ENTPD1: variants seen among roughly 807,000 people sequenced by gnomAD.
ENTPD1 encodes ectonucleoside triphosphate diphosphohydrolase 1.
ENTPD1 carries 33 observed loss-of-function variants against 57.0 expected under a neutral mutation model. That is an observed-to-expected ratio of 0.58 (90% confidence interval 0.44 to 0.77). The LOEUF is 0.77. Among genes scored for constraint, ENTPD1 ranks in the 30% least tolerant of loss-of-function variants. The probability of loss-of-function intolerance (pLI) is 0.00; values close to 1 mark genes in which losing one functional copy is unlikely to be tolerated. For missense variants in ENTPD1, 501 were observed against 603.4 expected (o/e 0.83, Z 1.78); for synonymous variants, 202 against 218.8 (o/e 0.92, Z 0.68).
At chr10:95,699,480 C>T in the ENTPD1 span, among the ~76,000 whole-genome samples, 1 of 151,654 alleles carries the variant, frequency 6.6e-6, no homozygotes, top group Non-Finnish European at 1.5e-5. Context: ...TGGTAGTGCA[C>T]ACCTGTAGTT....
At chr10:95,702,374 T>C in the ENTPD1 span, among the ~76,000 whole-genome samples, 3 of 151,834 alleles carry the variant, frequency 2.0e-5, no homozygotes, top group East Asian at 5.8e-4. Flanking sequence ...CTTAGATTGG[T>C]TTAACAGTGG....
the ENTPD1 span, among the ~76,000 whole-genome samples, chr10:95,701,440 A>G: frequency 6.6e-6 from 1 of 152,242 alleles, no homozygotes; most frequent in South Asian, 2.1e-4. Context: ...AAAATATAAA[A>G]GCAAATAAGT....
intron 1 of ENTPD1, among the ~76,000 whole-genome samples, chr10:95,742,425 C>T (rs2098001336): frequency 1.3e-5 from 2 of 152,014 alleles, no homozygotes; most frequent in African/African-American, 4.8e-5. Context: ...CCTGTCCTCC[C>T]CCTAGAGTTG....
At chr10:95,760,294 A>C (rs1472035858) in intron 1 of ENTPD1, among the ~76,000 whole-genome samples, 6 of 152,226 alleles carry the variant, frequency 3.9e-5, no homozygotes, top group Non-Finnish European at 8.8e-5. Context: ...AGATGAGTAG[A>C]ATCTGGTGCC....
intron 1 of ENTPD1, among the ~76,000 whole-genome samples, chr10:95,821,025 G>A (rs1026397591): frequency 6.6e-6 from 1 of 152,200 alleles, no homozygotes; most frequent in Non-Finnish European, 1.5e-5. Context: ...TATTATGGTA[G>A]AAACATTGCT....
At chr10:95,715,381 C>G (rs1039966664) in intron 1 of ENTPD1, among the ~76,000 whole-genome samples, 3 of 152,102 alleles carry the variant, frequency 2.0e-5, no homozygotes, top group African/African-American at 7.2e-5. Flanking sequence ...TATAGCCATT[C>G]CAGCTCTTTC....
Position 95,734,699 on chromosome 10 carries a change from C to G in ENTPD1, c.37+22706C>G, listed in dbSNP as rs568377930. Among the ~76,000 whole-genome samples the G allele has an allele frequency of 2.0e-5, 3 of 152,338 alleles. No individual in the cohort carries two copies. The South Asian group carries it at 6.2e-4, about 32-fold the overall frequency. ...GTCAAGTATGAAGAAAATACTTAGT[C>G]TGTTAATTCCTTCTTTTATGGTAGT... On this transcript the variant is annotated intron_variant, in intron 1 of 9. Coordinates refer to the ENTPD1 transcript ENST00000453258.
intron 1 of ENTPD1, among the ~76,000 whole-genome samples, chr10:95,721,815 T>G (rs2097977810): frequency 6.6e-6 from 1 of 152,144 alleles, no homozygotes; most frequent in African/African-American, 2.4e-5. Context: ...CCTCTGCTTA[T>G]CGGGTTAGTT....
chr10:95,726,106 A>C (rs543579901), intron 1 of ENTPD1, among the ~76,000 whole-genome samples: 4 of 152,274 alleles, frequency 2.6e-5, no homozygotes, highest in African/African-American at 9.6e-5. Context: ...AAAGTTTTGG[A>C]GACTTTTCAT....
At position 95,872,880 on chromosome 10, in the gene ENTPD1, T is replaced by G. The variant is rs953202143; in HGVS notation, c.*6497T>G. The G allele has an allele frequency of 7.1e-6, 7 of 985,328 alleles. No homozygotes were observed. Among genetic ancestry groups the G allele is most frequent in the Non-Finnish European group, 8.4e-6 (7 of 829,944 alleles). 61.0% of individuals were successfully genotyped at this position (985,328 alleles called of 1,614,324 possible). A position where few individuals can be genotyped will look rare whatever the true frequency, so the allele number is the denominator to read the frequency against. ...TGAAGCTTTTATTCCCCTAGCCACATGGAACTTTTCCTTTTTGGAACATGC... is the reference window on the plus strand; with the variant it reads ...TGAAGCTTTTATTCCCCTAGCCACAGGGAACTTTTCCTTTTTGGAACATGC... On this transcript the variant is annotated 3_prime_UTR_variant, in exon 10 of 10. Transcript: ENST00000371205.
intron 1 of ENTPD1, among the ~76,000 whole-genome samples, chr10:95,802,733 T>G (rs771965426): frequency 3.3e-5 from 5 of 152,190 alleles, no homozygotes; most frequent in Non-Finnish European, 7.3e-5. Flanking sequence ...TTGTGATAGT[T>G]TGCTGAGGAT....
chr10:95,839,410 TA>T (rs2098417970), intron 2 of ENTPD1: 1 of 435,304 alleles, frequency 2.3e-6, no homozygotes, highest in Non-Finnish European at 4.3e-6. Flanking sequence ...GGCTGCACAT[TA>T]GAATCACCTA....
Position 95,869,031 on chromosome 10 carries a change from T to C in ENTPD1, c.*2648T>C, listed in dbSNP as rs1590226013. ...GCCACTCTGGGTGGGGTAGGTGAAATAAGATTGGTCACTGTTAACTAATTT... is the reference window on the plus strand; with the variant it reads ...GCCACTCTGGGTGGGGTAGGTGAAACAAGATTGGTCACTGTTAACTAATTT... On this transcript the variant is annotated 3_prime_UTR_variant, in exon 10 of 10. Transcript: ENST00000371205. The C allele has an allele frequency of 2.0e-6, 2 of 985,146 alleles. No individual in the cohort carries two copies. The highest frequency in any genetic ancestry group is 2.4e-6 in the Non-Finnish European group (2 of 829,926). The allele number at this position is 985,146 out of a possible 1,614,324, so 61.0% of individuals were successfully genotyped here.
At chr10:95,858,062 G>T (rs925161078) in intron 7 of ENTPD1, among the ~76,000 whole-genome samples, 8 of 151,874 alleles carry the variant, frequency 5.3e-5, no homozygotes, top group Non-Finnish European at 7.4e-5. Context: ...GGAGGCTGAG[G>T]CAGGAGAATG....
intron 1 of ENTPD1, among the ~76,000 whole-genome samples, chr10:95,778,513 T>C (rs2098143070): frequency 6.6e-6 from 1 of 152,176 alleles, no homozygotes; most frequent in Admixed American, 6.5e-5. Context: ...TTGTTGAAAA[T>C]GTGGGGAAAC....
In ENTPD1 at chr10:95,740,022, G is replaced by A. The variant is rs7078423; in HGVS notation, c.37+28029G>A. Among the ~76,000 whole-genome samples the A allele has an allele frequency of 3.3e-3, 504 of 152,316 alleles. 2 individuals carry two copies. Among genetic ancestry groups the A allele is most frequent in the African/African-American group, 0.011 (477 of 41,562 alleles). ...AAAGGAATATTTTTTCTGAGCAGCA[G>A]CCATCAACAGTTAGCTTAAAATATT... On this transcript the variant is annotated intron_variant, in intron 1 of 9. Transcript: ENST00000453258.
chr10:95,859,376 T>C (rs2098461382), intron 7 of ENTPD1, among the ~76,000 whole-genome samples: 1 of 152,234 alleles, frequency 6.6e-6, no homozygotes, highest in African/African-American at 2.4e-5. Context: ...TCACATTTGC[T>C]TTCTACATTC....
rs2098477353 is a variant in ENTPD1, at chr10:95,868,990, C to T, written c.*2607C>T. 4 of 985,256 alleles carry T rather than the reference C, an allele frequency of 4.1e-6. No homozygotes were observed. Among genetic ancestry groups the T allele is most frequent in the South Asian group, 9.4e-5 (2 of 21,272 alleles). 61.0% of individuals were successfully genotyped at this position (985,256 alleles called of 1,614,324 possible). ...AGGAAGGTTGGTTTAGAGGCAGATC[C>T]AGCAATCTGCTTTGGGCCACTCTGG... is the stretch of plus-strand genomic sequence containing the variant. On this transcript the variant is annotated 3_prime_UTR_variant, in exon 10 of 10. Coordinates refer to ENST00000371205, the MANE Select transcript of ENTPD1 (RefSeq NM_001776.6).
intron 1 of ENTPD1, among the ~76,000 whole-genome samples, chr10:95,784,702 C>T (rs767768917): frequency 6.6e-6 from 1 of 152,188 alleles, no homozygotes; most frequent in Non-Finnish European, 1.5e-5. Flanking sequence ...TCTTTTCCCT[C>T]AGGCTGGCAG....
Sources: allele counts gnomAD v4.1 joint callset (sites outside exome capture counted in the v4.1 genomes callset), GRCh38; gene constraint gnomAD v4.1.1; transcripts MANE v1.5; gene names NCBI Gene and HGNC (gene_info 2026-07-23, HGNC 2026-07-21).